SETD5: variants seen among roughly 807,000 people sequenced by gnomAD.
SETD5 encodes SET domain containing 5.
In SETD5, 44 loss-of-function variants were observed where a neutral mutation model predicts 153.3. The ratio of observed to expected loss-of-function variants is 0.29; its 90% CI spans 0.23 to 0.37. The LOEUF is 0.37. SETD5 is among the 10% of genes least tolerant of loss of function. SETD5 has a pLI of 1.00. For missense variants in SETD5, 1,544 were observed against 1,768.0 expected (o/e 0.87, Z 2.27); for synonymous variants, 716 against 645.2 (o/e 1.11, Z -1.66).
intron 17 of SETD5, among the ~76,000 whole-genome samples, chr3:9,460,489 T>G (rs1384332436): frequency 1.3e-5 from 2 of 151,938 alleles, no homozygotes; most frequent in African/African-American, 2.4e-5. Context: ...TATAGTTCAT[T>G]GCTAGAATAG....
intron 1 of SETD5, among the ~76,000 whole-genome samples, chr3:9,407,093 C>T (rs911020971): frequency 1.3e-5 from 2 of 152,142 alleles, no homozygotes; most frequent in Admixed American, 1.3e-4. Context: ...TTTGTGAGGC[C>T]AAGGCGGGTG....
At chr3:9,473,584 A>C in intron 20 of SETD5, 47 bp downstream of exon 20, 2 of 1,531,654 alleles carry the variant, frequency 1.3e-6, no homozygotes, top group Non-Finnish European at 1.8e-6. Flanking sequence ...GGTGGGGGGG[A>C]GTATATATCT....
chr3:9,434,622 C>T lies in SETD5; in HGVS notation c.329+137C>T. On this transcript the variant is annotated intron_variant, in intron 5 of 22. Transcript: ENST00000402198. The surrounding 1 kb of genome is among the most constrained non-coding windows in gnomAD (Gnocchi z 5.6). ...CTTAGTGCTCCTTGGCTCGAATTCT[C>T]TGCACTAGGTGAGAATTGCTGACAA... 1 of 1,488,070 alleles carries T rather than the reference C, an allele frequency of 6.7e-7. No individual in the cohort carries two copies. The highest frequency in any genetic ancestry group is 8.9e-7 in the Non-Finnish European group (1 of 1,118,928). The allele number at this position is 1,488,070 out of a possible 1,614,324, so 92.2% of individuals were successfully genotyped here.
chr3:9,410,644 G>A (rs1285689878), intron 1 of SETD5, among the ~76,000 whole-genome samples: 1 of 152,156 alleles, frequency 6.6e-6, no homozygotes, highest in Non-Finnish European at 1.5e-5. Context: ...AGACTCAACA[G>A]AGTCATCATG....
chr3:9,475,048 T>A lies in SETD5; in HGVS notation c.3632-20T>A, dbSNP rs1559497446. 10 of 1,548,488 alleles carry A rather than the reference T, an allele frequency of 6.5e-6. No homozygotes were observed. Among genetic ancestry groups the A allele is most frequent in the Admixed American group, 2.1e-5 (1 of 48,202 alleles). On this transcript the variant is annotated intron_variant, in intron 21 of 22. Coordinates refer to ENST00000402198, the MANE Select transcript of SETD5 (RefSeq NM_001080517.3). ...TCTAAGAAGCCAAGTTGATTTTTTTTTATATATGTTACCTTCCAGACCCTG... is the reference window on the plus strand; with the variant it reads ...TCTAAGAAGCCAAGTTGATTTTTTTATATATATGTTACCTTCCAGACCCTG...
At chr3:9,467,073 C>G (rs2044670976) in intron 18 of SETD5, among the ~76,000 whole-genome samples, 2 of 151,750 alleles carry the variant, frequency 1.3e-5, no homozygotes, top group Non-Finnish European at 2.9e-5. Flanking sequence ...GTGGCACACA[C>G]CTGTAATCCC....
intron 13 of SETD5, among the ~76,000 whole-genome samples, chr3:9,446,391 G>C (rs999353580): frequency 6.7e-6 from 1 of 149,874 alleles, no homozygotes; most frequent in East Asian, 2.0e-4. Context: ...CTAGGTTTTT[G>C]TGAGTTCTGA....
chr3:9,457,227 G>A (rs537349623), intron 17 of SETD5, among the ~76,000 whole-genome samples: 21 of 152,138 alleles, frequency 1.4e-4, no homozygotes, highest in South Asian at 4.1e-4. Flanking sequence ...GGTGGCTCAC[G>A]CCTGTAATCC....
intron 3 of SETD5, 23 bp downstream of exon 3, chr3:9,429,032 T>A (rs1343253938): frequency 1.7e-5 from 26 of 1,565,674 alleles, no homozygotes; most frequent in Non-Finnish European, 2.2e-5. Context: ...TTCTAGGTAG[T>A]AGGTACATTA....
chr3:9,456,611 T>C (rs1213770906), intron 17 of SETD5, among the ~76,000 whole-genome samples: 1 of 151,538 alleles, frequency 6.6e-6, no homozygotes, highest in Non-Finnish European at 1.5e-5. Flanking sequence ...CCCATAAGAG[T>C]AATTATTATA....
At chr3:9,427,805 G>A (rs1255525310) in intron 2 of SETD5, among the ~76,000 whole-genome samples, 1 of 152,006 alleles carries the variant, frequency 6.6e-6, no homozygotes, top group Non-Finnish European at 1.5e-5. Flanking sequence ...TTACACTACT[G>A]TAAAACTACT....
chr3:9,445,965 GTT>G (rs376821559), intron 13 of SETD5, among the ~76,000 whole-genome samples: 26 of 86,460 alleles, frequency 3.0e-4, no homozygotes, highest in African/African-American at 1.1e-3. Flanking sequence ...TGAAGAGGTT[GTT>G]TTTTTTTTTT....
chr3:9,432,306 T>C, intron 3 of SETD5: 1 of 985,158 alleles, frequency 1.0e-6, no homozygotes, highest in Non-Finnish European at 1.2e-6. Context: ...TTTCTCACAG[T>C]TTTGGAGCAT....
At chr3:9,409,084 C>G (rs142477938) in intron 1 of SETD5, among the ~76,000 whole-genome samples, 4 of 152,096 alleles carry the variant, frequency 2.6e-5, no homozygotes. Flanking sequence ...GAAAATCTGG[C>G]CTTGTACAGA....
intron 16 of SETD5, among the ~76,000 whole-genome samples, chr3:9,452,089 G>C (rs960147692): frequency 6.6e-6 from 1 of 152,072 alleles, no homozygotes; most frequent in Admixed American, 6.5e-5. Flanking sequence ...TATTTGCTGT[G>C]TTTCACCTCA....
At chr3:9,398,244 C>T (rs1265638030) in intron 1 of SETD5, 18 of 152,000 alleles carry the variant, frequency 1.2e-4, no homozygotes, top group Admixed American at 1.1e-3. Flanking sequence ...GGACGCTTCC[C>T]CTCCCCCAAC....
At position 9,464,585 on chromosome 3, in the gene SETD5, G is replaced by A. The variant is rs761025148; in HGVS notation, c.2637G>A (p.Glu879=). The A allele has an allele frequency of 2.5e-5, 41 of 1,613,982 alleles. No individual in the cohort carries two copies. The highest frequency in any genetic ancestry group is 3.1e-5 in the Non-Finnish European group (37 of 1,179,890). The change falls in exon 18 of 23, where the codon GAG becomes GAA. Residue 879 remains glutamate, a synonymous_variant. Transcript: ENST00000402198. ...CTGGCTCATCTCACCCAGGAGAAGA[G>A]GAGTGTCGAAATGGATACAGCCTCA... ...ATPGSSHPGE[E]ECRNGYSLMF... is the part of the protein sequence containing the mutation.
intron 1 of SETD5, among the ~76,000 whole-genome samples, chr3:9,408,858 A>T (rs1055320049): frequency 6.6e-6 from 1 of 152,172 alleles, no homozygotes; most frequent in East Asian, 1.9e-4. Flanking sequence ...ACTGAGAAAA[A>T]TTTTAAGTTA....
rs2125044105 is a variant in SETD5 at position 9,428,870 on chromosome 3, CCA to C, written c.-67_-66del. The C allele has an allele frequency of 3.5e-6, 4 of 1,151,696 alleles. No individual in the cohort carries two copies. In the South Asian group the frequency reaches 5.5e-5, roughly 16 times the overall value. 71.3% of individuals were successfully genotyped at this position (1,151,696 alleles called of 1,614,324 possible). ...TTGGATGAGGCTCTGCAGCTCACCC[CCA>C]CTCTCAGAGTGGTCAGTCTCCATTA... On this transcript the variant is annotated 5_prime_UTR_variant, in exon 3 of 23. An upstream open reading frame in the 5' UTR gains an earlier in-frame stop. Coordinates refer to ENST00000402198, the MANE Select transcript of SETD5 (RefSeq NM_001080517.3).
Sources: gnomAD v4.1 joint callset for allele counts (sites outside exome capture counted in the v4.1 genomes callset) on GRCh38, gnomAD v4.1.1 for gene constraint, Gnocchi (gnomAD v3.1) non-coding constraint, MANE v1.5 for transcripts, NCBI Gene and HGNC (gene_info 2026-07-23, HGNC 2026-07-21) for gene names.